Variants in CDC42BPA observed in about 807,000 individuals in gnomAD.
The protein encoded by CDC42BPA is CDC42 binding protein kinase alpha.
CDC42BPA carries 80 observed loss-of-function variants against 223.5 expected under a neutral mutation model. The observed-to-expected ratio is 0.36, with a 90% CI of 0.30 to 0.43. The LOEUF (loss-of-function observed/expected upper bound fraction) is 0.43. Among genes scored for constraint, CDC42BPA ranks in the 20% least tolerant of loss-of-function variants. The pLI is 1.00. For synonymous variants in CDC42BPA, 694 were observed against 718.6 expected (o/e 0.97, Z 0.55); for missense variants, 1,743 against 2,099.9 (o/e 0.83, Z 3.32).
At chr1:227,291,575 A>C (rs988037327) in intron 1 of CDC42BPA, among the ~76,000 whole-genome samples, 8 of 149,694 alleles carry the variant, frequency 5.3e-5, no homozygotes, top group African/African-American at 1.7e-4. Flanking sequence ...AACAAACAAA[A>C]AAAACACCCA....
intron 3 of CDC42BPA, among the ~76,000 whole-genome samples, chr1:227,204,447 T>C (rs1185793406): frequency 6.6e-6 from 1 of 152,138 alleles, no homozygotes; most frequent in Non-Finnish European, 1.5e-5. Flanking sequence ...ATTGGAACAA[T>C]AGCTATCAAA....
At position 227,062,041 on chromosome 1, in the gene CDC42BPA, T is replaced by A. The variant is rs574106575; in HGVS notation, c.2904+7736A>T. 1.6e-4 allele frequency among the ~76,000 whole-genome samples: 25 copies of A among 152,384 alleles called. No individual in the cohort carries two copies. The South Asian group carries it at 5.2e-3, about 32-fold the overall frequency. On this transcript the variant is annotated intron_variant, in intron 21 of 36. Coordinates refer to ENST00000366766, the MANE Select transcript of CDC42BPA (RefSeq NM_001394014.1). ...CTTTCTCTTCTGTTAAATCTTTTAA[T>A]AATTATTACATATGGGACTGATTAA...
chr1:227,037,337 T>C (rs992612472), intron 24 of CDC42BPA, among the ~76,000 whole-genome samples: 1 of 152,234 alleles, frequency 6.6e-6, no homozygotes, highest in African/African-American at 2.4e-5. Flanking sequence ...ACTTGCTCTC[T>C]TCTCAATCTA....
At chr1:227,023,583 C>T (rs2148583705) in intron 31 of CDC42BPA, among the ~76,000 whole-genome samples, 1 of 152,194 alleles carries the variant, frequency 6.6e-6, no homozygotes, top group East Asian at 1.9e-4. Context: ...AGCAAATGAA[C>T]AAATAAGTAG....
Position 227,029,047 on chromosome 1 carries a change from C to A in CDC42BPA, c.4042G>T (p.Ala1348Ser). Residue 1348 changes from alanine (A) to serine (S), a missense_variant, in exon 30 of 37, where the codon GCT (alanine) becomes TCT (serine). Physicochemically the swap from Ala to Ser is moderately conservative, Grantham distance 99. Around this residue, in one of 6 missense-constraint regions of CDC42BPA, gnomAD observed 678 missense variants for 777.5 expected, o/e 0.87. Transcript: ENST00000366766. ...ATAGCCACACACAGGCATGTGAGAG[C>A]TCCATGGCGCACCTTTCCAGAAGTT... ...TVTSGKVRHG[A>S]LTCLCVAMKR... The A allele has an allele frequency of 1.2e-6, 2 of 1,614,084 alleles. No individual in the cohort carries two copies. The highest frequency in any genetic ancestry group is 1.7e-6 in the Non-Finnish European group (2 of 1,180,032).
At chr1:227,135,048 T>C (rs183038291) in intron 10 of CDC42BPA, among the ~76,000 whole-genome samples, 1 of 152,352 alleles carries the variant, frequency 6.6e-6, no homozygotes, top group African/African-American at 2.4e-5. Context: ...TGAGGCATTC[T>C]GAGGTGAAGA....
chr1:227,292,132 G>A (rs1197930656), intron 1 of CDC42BPA, among the ~76,000 whole-genome samples: 5 of 151,902 alleles, frequency 3.3e-5, no homozygotes, highest in Admixed American at 2.0e-4. Context: ...ACAGGCACAC[G>A]CCACCATGCC....
intron 1 of CDC42BPA, among the ~76,000 whole-genome samples, chr1:227,294,283 A>C (rs1690222693): frequency 6.6e-6 from 1 of 152,044 alleles, no homozygotes; most frequent in Admixed American, 6.6e-5. Flanking sequence ...AAAAAAAAAA[A>C]ATTTAGTATC....
chr1:227,012,608 T>C (rs969614616), intron 34 of CDC42BPA, among the ~76,000 whole-genome samples: 1 of 152,192 alleles, frequency 6.6e-6, no homozygotes, highest in African/African-American at 2.4e-5. Context: ...CTGATTTGAA[T>C]AAATTAAAAT....
chr1:226,998,748 GACT>G (rs1366622382), intron 35 of CDC42BPA, among the ~76,000 whole-genome samples: 1 of 152,156 alleles, frequency 6.6e-6, no homozygotes, highest in Non-Finnish European at 1.5e-5. Flanking sequence ...AGGACTTCAT[GACT>G]ACAACACCAA....
Position 227,029,249 on chromosome 1 carries a change from T to C in CDC42BPA, c.3840A>G (p.Glu1280=). ...GLFVVHVTKD[E]IIRVGDNKKI... ...TCTTATTGTCACCAACTCTAATAAT[T>C]TCTAAACACAGAAAGAATAATAAAT... Residue 1280 remains glutamate (E), a splice_region_variant and synonymous_variant, in exon 30 of 37, where the codon GAA becomes GAG. Transcript: ENST00000366766. The C allele has an allele frequency of 2.0e-6, 3 of 1,531,084 alleles. No individual in the cohort carries two copies. Among genetic ancestry groups the C allele is most frequent in the Non-Finnish European group, 2.7e-6 (3 of 1,129,792 alleles). The allele number at this position is 1,531,084 out of a possible 1,614,324, so 94.8% of individuals were successfully genotyped here. A position where few individuals can be genotyped will look rare whatever the true frequency, so the allele number is the denominator to read the frequency against.
At chr1:227,309,466 C>T (rs1008831092) in intron 1 of CDC42BPA, among the ~76,000 whole-genome samples, 1 of 152,126 alleles carries the variant, frequency 6.6e-6, no homozygotes, top group Non-Finnish European at 1.5e-5. Context: ...AGAAACACAG[C>T]GCTTCATGGA....
chr1:227,215,620 G>A (rs778462850), intron 2 of CDC42BPA, among the ~76,000 whole-genome samples: 3 of 152,098 alleles, frequency 2.0e-5, no homozygotes, highest in Non-Finnish European at 4.4e-5. Flanking sequence ...TCAAGGGTCT[G>A]GTGCTTAGTA....
intron 11 of CDC42BPA, among the ~76,000 whole-genome samples, chr1:227,124,105 T>C (rs1315502609): frequency 6.6e-6 from 1 of 152,190 alleles, no homozygotes; most frequent in Non-Finnish European, 1.5e-5. Context: ...GTGTCAGTTA[T>C]ACAATACTGG....
intron 1 of CDC42BPA, among the ~76,000 whole-genome samples, chr1:227,299,682 C>T (rs1691291297): frequency 6.6e-6 from 1 of 151,730 alleles, no homozygotes; most frequent in Non-Finnish European, 1.5e-5. Flanking sequence ...GATGTTTTTC[C>T]CTTTAGATAA....
intron 5 of CDC42BPA, among the ~76,000 whole-genome samples, chr1:227,167,449 A>T (rs910987259): frequency 2.6e-5 from 4 of 152,128 alleles, no homozygotes; most frequent in African/African-American, 4.8e-5. Flanking sequence ...GACATCTGAC[A>T]CTGCTGGTTA....
At chr1:227,253,666 A>G (rs1042497511) in intron 2 of CDC42BPA, among the ~76,000 whole-genome samples, 2 of 151,850 alleles carry the variant, frequency 1.3e-5, no homozygotes, top group Non-Finnish European at 2.9e-5. Context: ...ATAAAATAAA[A>G]TACTATGAAA....
At chr1:227,262,680 C>A (rs1249592266) in intron 1 of CDC42BPA, among the ~76,000 whole-genome samples, 1 of 152,012 alleles carries the variant, frequency 6.6e-6, no homozygotes, top group Non-Finnish European at 1.5e-5. Flanking sequence ...TCATAAGATA[C>A]CCTGAGAATG....
At chr1:227,180,175 C>T (rs565241948) in intron 5 of CDC42BPA, among the ~76,000 whole-genome samples, 34 of 152,286 alleles carry the variant, frequency 2.2e-4, no homozygotes, top group African/African-American at 7.7e-4. Context: ...CACTGCACTC[C>T]AGCCTGGGTG....
Sources: allele counts gnomAD v4.1 joint callset (sites outside exome capture counted in the v4.1 genomes callset), GRCh38; gene constraint gnomAD v4.1.1; regional missense constraint gnomAD v4.1.1; transcripts MANE v1.5; gene names NCBI Gene and HGNC (gene_info 2026-07-23, HGNC 2026-07-21).